Variants in KRT20 observed in about 807,000 individuals in gnomAD.
KRT20 encodes the protein keratin, type I cytoskeletal 20.
In KRT20, 41 loss-of-function variants were observed where a neutral mutation model predicts 43.0. The ratio of observed to expected loss-of-function variants is 0.95; its 90% CI spans 0.74 to 1.24. KRT20 has a LOEUF of 1.24. Among genes scored for constraint, KRT20 ranks in the 50% most tolerant of loss-of-function variants. The pLI, the probability that KRT20 is intolerant of heterozygous loss-of-function variation, is 0.00. For missense variants in KRT20, 533 were observed against 521.2 expected, an observed-to-expected ratio of 1.02 and a Z score of -0.22; for synonymous variants, 207 against 200.6, an observed-to-expected ratio of 1.03 and a Z score of -0.27.
intron 6 of KRT20, 42 bp downstream of exon 6, chr17:40,878,103 A>C: frequency 6.7e-7 from 1 of 1,485,652 alleles, no homozygotes; most frequent in Non-Finnish European, 9.4e-7. Context: ...ATAGAAGTGC[A>C]TACAGATATT....
At chr17:40,877,758 T>C (rs1296239489) in intron 6 of KRT20, among the ~76,000 whole-genome samples, 1 of 152,308 alleles carries the variant, frequency 6.6e-6, no homozygotes, top group East Asian at 1.9e-4. Flanking sequence ...ACACTTATGA[T>C]TCTCAGACTG....
In KRT20 at chr17:40,882,564, G is replaced by A; in HGVS notation, c.473+8C>T. 6.6e-7 allele frequency: 1 copy of A among 1,526,090 alleles called. No homozygotes were observed. The highest frequency in any genetic ancestry group is 8.9e-7 in the Non-Finnish European group (1 of 1,128,366). The allele number at this position is 1,526,090 out of a possible 1,614,324, so 94.5% of individuals were successfully genotyped here. A position where few individuals can be genotyped will look rare whatever the true frequency, so the allele number is the denominator to read the frequency against. The stretch of plus-strand genomic sequence containing the variant: ...TCAGAAACTTTTGCCACGTATTAGG[G>A]AACCTACTTCAGTCTGAAGTCCTCA... On this transcript the variant is annotated splice_region_variant and intron_variant, in intron 2 of 7. Coordinates refer to ENST00000167588, the MANE Select transcript of KRT20 (RefSeq NM_019010.3).
intron 4 of KRT20, 52 bp downstream of exon 4, chr17:40,880,048 T>C (rs1435911928): frequency 5.6e-6 from 9 of 1,594,006 alleles, no homozygotes; most frequent in African/African-American, 1.4e-5. Context: ...GTTATCTGTT[T>C]CTGGAGGAAA....
Position 40,876,118 on chromosome 17 carries a change from G to T in KRT20, c.*243C>A. 2.6e-6 allele frequency: 1 copy of T among 383,752 alleles called. No individual in the cohort carries two copies. Among genetic ancestry groups the T allele is most frequent in the Non-Finnish European group, 4.7e-6 (1 of 213,808 alleles). 23.8% of individuals were successfully genotyped at this position (383,752 alleles called of 1,614,324 possible). A position where few individuals can be genotyped will look rare whatever the true frequency, so the allele number is the denominator to read the frequency against. On this transcript the variant is annotated 3_prime_UTR_variant, in exon 8 of 8. Coordinates refer to ENST00000167588, the MANE Select transcript of KRT20 (RefSeq NM_019010.3). ...GCTTCATGATAAAGATGGCAGTAAT[G>T]ATGTTTTAAATATTCTAGTGCTCAC...
Position 40,880,220 on chromosome 17 carries a change from A to C in KRT20, c.672T>G (p.Asn224Lys). Residue 224 changes from asparagine to lysine, a missense_variant, in exon 4 of 8, where the codon AAT (asparagine) becomes AAG (lysine). Coordinates refer to ENST00000167588, the MANE Select transcript of KRT20 (RefSeq NM_019010.3). ...GGCCTGGAGCAGCATCAACCTCCAC[A>C]TTGACAGTGTTGCCCAGATGCTTGT... The part of the protein sequence containing the change: ...GLHKHLGNTV[N>K]VEVDAAPGLN... 1 of 1,613,748 alleles carries C rather than the reference A, an allele frequency of 6.2e-7. No individual in the cohort carries two copies. Among genetic ancestry groups the C allele is most frequent in the Non-Finnish European group, 8.5e-7 (1 of 1,179,870 alleles).
In KRT20 at chr17:40,880,587, C is replaced by T. The variant is rs1471206801; in HGVS notation, c.630+27G>A. ...TTATATAGAACCATTCCATTGTTTC[C>T]AATACCACTTCTGAATATTTTCTCA... On this transcript the variant is annotated intron_variant, in intron 3 of 7. Transcript: ENST00000167588. 7 of 1,599,458 alleles carry T rather than the reference C, an allele frequency of 4.4e-6. No homozygotes were observed. The East Asian group carries it at 8.9e-5, about 20-fold the overall frequency.
chr17:40,879,711 G>A (rs1907503005), intron 5 of KRT20, 102 bp downstream of exon 5: 1 of 1,319,916 alleles, frequency 7.6e-7, no homozygotes, highest in South Asian at 1.3e-5. Context: ...TTCTGCAAGG[G>A]GAAGGGTTAT....
Position 40,884,887 on chromosome 17 carries a change from A to C in KRT20, c.299T>G (p.Val100Gly). ...TLEQSNSKLEVQIKQWYETNA... is the reference protein window; with the variant it reads ...TLEQSNSKLEGQIKQWYETNA... ...GGTTTCGTACCACTGCTTGATTTGC[A>C]CTTCAAGTTTGGAGTTGGACTGCTC... The change falls in exon 1 of 8, where the codon GTG becomes GGG. Residue 100 changes from valine (V) to glycine (G), a missense_variant. Physicochemically the swap from Val to Gly is moderately radical, Grantham distance 109. Coordinates refer to ENST00000167588, the MANE Select transcript of KRT20 (RefSeq NM_019010.3). 6.2e-7 allele frequency: 1 copy of C among 1,614,122 alleles called. No homozygotes were observed. The highest frequency in any genetic ancestry group is 8.5e-7 in the Non-Finnish European group (1 of 1,180,024).
Position 40,876,189 on chromosome 17 carries a change from A to T in KRT20, c.*172T>A. 4.2e-6 allele frequency: 2 copies of T among 474,920 alleles called. No individual in the cohort carries two copies. Among genetic ancestry groups the T allele is most frequent in the Non-Finnish European group, 7.5e-6 (2 of 265,276 alleles). 29.4% of individuals were successfully genotyped at this position (474,920 alleles called of 1,614,324 possible). A position where few individuals can be genotyped will look rare whatever the true frequency, so the allele number is the denominator to read the frequency against. The stretch of plus-strand genomic sequence containing the variant: ...AATTTGCAGCTCCTCTGAGTAAAAC[A>T]TTTATATTCAATTACAGAGTCTGAT... On this transcript the variant is annotated 3_prime_UTR_variant, in exon 8 of 8. Coordinates refer to ENST00000167588, the MANE Select transcript of KRT20 (RefSeq NM_019010.3).
intron 6 of KRT20, 145 bp from the exon 7 acceptor site, chr17:40,877,562 T>C: frequency 1.9e-6 from 1 of 514,954 alleles, no homozygotes; most frequent in Non-Finnish European, 3.3e-6. Flanking sequence ...CCTTTTACAT[T>C]GCTTTTATTG....
intron 5 of KRT20, among the ~76,000 whole-genome samples, chr17:40,878,995 T>A (rs1409039057): frequency 6.6e-6 from 1 of 151,956 alleles, no homozygotes; most frequent in Non-Finnish European, 1.5e-5. Flanking sequence ...AGAGATGGGG[T>A]TTCACCATAT....
intron 6 of KRT20, 41 bp from the exon 7 acceptor site, chr17:40,877,458 A>G (rs2143295420): frequency 3.8e-6 from 5 of 1,311,552 alleles, no homozygotes; most frequent in African/African-American, 1.5e-5. Flanking sequence ...AAGAAACAGA[A>G]AAAAGCATTA....
intron 3 of KRT20, 117 bp from the exon 4 acceptor site, chr17:40,880,378 A>G: frequency 9.9e-7 from 1 of 1,014,272 alleles, no homozygotes; most frequent in Non-Finnish European, 1.4e-6. Flanking sequence ...TAAAAAAGAT[A>G]TAAAATAATA....
intron 5 of KRT20, among the ~76,000 whole-genome samples, chr17:40,878,807 T>C (rs942496245): frequency 2.5e-5 from 2 of 80,946 alleles, no homozygotes; most frequent in Admixed American, 2.5e-4. Context: ...CTTTTCTTTT[T>C]CTTTTTTTTT....
chr17:40,877,239 T>C (rs1907389628), intron 7 of KRT20, 141 bp downstream of exon 7: 2 of 639,990 alleles, frequency 3.1e-6, no homozygotes, highest in African/African-American at 3.9e-5. Flanking sequence ...GTCTATTGTT[T>C]GTAAATTATC....
chr17:40,877,317 T>A (rs1032881063), intron 7 of KRT20, 63 bp downstream of exon 7: 5 of 1,114,738 alleles, frequency 4.5e-6, no homozygotes, highest in Non-Finnish European at 6.5e-6. Context: ...TTTTTATCAG[T>A]GGCATGTAGT....
At chr17:40,879,168 C>A (rs1208007298) in intron 5 of KRT20, among the ~76,000 whole-genome samples, 1 of 152,094 alleles carries the variant, frequency 6.6e-6, no homozygotes, top group Non-Finnish European at 1.5e-5. Context: ...TAGGGCCTAC[C>A]CCTTTAGCCT....
intron 6 of KRT20, 95 bp downstream of exon 6, chr17:40,878,050 G>T: frequency 9.5e-6 from 10 of 1,057,504 alleles, no homozygotes; most frequent in Non-Finnish European, 1.2e-5. Flanking sequence ...TTCTGTCCTA[G>T]GGATTGCATT....
intron 3 of KRT20, 132 bp downstream of exon 3, chr17:40,880,479 ATTG>A: frequency 1.2e-6 from 1 of 836,586 alleles, no homozygotes; most frequent in South Asian, 1.8e-5. Flanking sequence ...TTGTATCATT[ATTG>A]TCATCGTCAT....
Sources: allele counts gnomAD v4.1 joint callset (sites outside exome capture counted in the v4.1 genomes callset), GRCh38; gene constraint gnomAD v4.1.1; transcripts MANE v1.5; gene names NCBI Gene and HGNC (gene_info 2026-07-23, HGNC 2026-07-21).